The following FAM83F variants were observed in gnomAD, a reference collection of about 807,000 sequenced individuals.
FAM83F encodes the protein scaffolding CK1 anchoring protein F, also known as protein FAM83F.
A neutral mutation model predicts 42.9 loss-of-function variants in FAM83F; 45 were observed. That is an observed-to-expected ratio of 1.05 (90% CI 0.83 to 1.35). FAM83F has a LOEUF of 1.35. FAM83F is among the 40% of genes most tolerant of loss of function. The probability of loss-of-function intolerance (pLI) is 0.00; values close to 1 mark genes in which losing one functional copy is unlikely to be tolerated. For synonymous variants in FAM83F, 306 were observed against 298.3 expected (o/e 1.03, Z -0.27); for missense variants, 617 against 695.9 (o/e 0.89, Z 1.28).
chr22:40,025,518 G>A (rs1004433591), intron 4 of FAM83F, among the ~76,000 whole-genome samples: 1 of 152,080 alleles, frequency 6.6e-6, no homozygotes, highest in Non-Finnish European at 1.5e-5. Flanking sequence ...TTCGAGACCA[G>A]CCTGGCCAAC....
intron 1 of FAM83F, among the ~76,000 whole-genome samples, 197 bp from the exon 2 acceptor site, chr22:40,018,971 G>A (rs1283975394): frequency 6.6e-6 from 1 of 152,152 alleles, no homozygotes; most frequent in Non-Finnish European, 1.5e-5. Flanking sequence ...CAAGCACACG[G>A]CCTGCACCCC....
Position 40,021,639 on chromosome 22 carries a change from G to A in FAM83F, c.1129G>A (p.Asp377Asn), listed in dbSNP as rs769914565. ...CTGGCGCCTGGAGAGCTTCCTGAAA[G>A]ACCTGGTTACGGTGGAGCAGGTGCT... ...SAWRLESFLK[D>N]LVTVEQVLPP... The change falls in exon 4 of 5, where the codon GAC becomes AAC. Residue 377 changes from aspartate to asparagine, a missense_variant. Asp to Asn is a conservative substitution (Grantham distance 23). Transcript: ENST00000333407. The surrounding 1 kb of genome is among the most constrained non-coding windows in gnomAD (Gnocchi z 8.7). 1.3e-6 allele frequency: 2 copies of A among 1,593,794 alleles called. No individual in the cohort carries two copies. The highest frequency in any genetic ancestry group is 1.3e-5 in the African/African-American group (1 of 74,514).
In FAM83F at chr22:40,029,591, G is replaced by A. The variant is rs781690249; in HGVS notation, c.*26G>A. The A allele has an allele frequency of 2.7e-5, 44 of 1,607,498 alleles. No individual in the cohort carries two copies. The highest frequency in any genetic ancestry group is 1.6e-4 in the Middle Eastern group (1 of 6,074). Reference sequence around the variant, plus strand: ...GCTGCGGGATGGTGGTGGGCAGGACGTGTGGATGCCTGCCTGCCCTGCCCT... The same window carrying A: ...GCTGCGGGATGGTGGTGGGCAGGACATGTGGATGCCTGCCTGCCCTGCCCT... On this transcript the variant is annotated 3_prime_UTR_variant, in exon 5 of 5. Coordinates refer to ENST00000333407, the MANE Select transcript of FAM83F (RefSeq NM_138435.4).
chr22:40,017,557 A>G (rs999368580), intron 1 of FAM83F, among the ~76,000 whole-genome samples: 1 of 152,218 alleles, frequency 6.6e-6, no homozygotes, highest in African/African-American at 2.4e-5. Flanking sequence ...TTCATGGTGC[A>G]TCTCACTAAG....
rs1390395036 is a variant in FAM83F at position 40,043,533 on chromosome 22, G to A, written c.*13968G>A. 6.6e-6 allele frequency: 1 copy of A among 152,178 alleles called. No homozygotes were observed. The highest frequency in any genetic ancestry group is 2.4e-5 in the African/African-American group (1 of 41,422). 9.4% of individuals were successfully genotyped at this position (152,178 alleles called of 1,614,324 possible). ...GCAATAAATTATTCATTTCTAAGAC[G>A]ATTTATTCTGTCTCTCTCTTTAGAC... On this transcript the variant is annotated 3_prime_UTR_variant, in exon 5 of 5. Coordinates refer to ENST00000333407, the MANE Select transcript of FAM83F (RefSeq NM_138435.4).
At chr22:40,029,087 G>A (rs1192720388) in intron 4 of FAM83F, among the ~76,000 whole-genome samples, 1 of 44,092 alleles carries the variant, frequency 2.3e-5, no homozygotes, top group African/African-American at 9.2e-5. Context: ...AGACGTGTGT[G>A]TGTGTGTGTG....
intron 4 of FAM83F, among the ~76,000 whole-genome samples, chr22:40,024,255 C>T (rs185122125): frequency 2.6e-5 from 4 of 152,292 alleles, no homozygotes; most frequent in Admixed American, 2.0e-4. Flanking sequence ...TCTGGGCCTC[C>T]CAAAGCGCTG....
Position 39,994,998 on chromosome 22 carries a change from C to A in FAM83F, c.-45C>A. 1.6e-6 allele frequency: 2 copies of A among 1,233,592 alleles called. No homozygotes were observed. Among genetic ancestry groups the A allele is most frequent in the Non-Finnish European group, 2.0e-6 (2 of 989,802 alleles). 76.4% of individuals were successfully genotyped at this position (1,233,592 alleles called of 1,614,324 possible). On this transcript the variant is annotated 5_prime_UTR_variant, in exon 1 of 5. Transcript: ENST00000333407. ...CCAGGTGCGGCTGTGGGACCTCGGA[C>A]CGCGGCGGGGCCGGGGCCAGGGCCG... is the stretch of plus-strand genomic sequence containing the variant.
intron 1 of FAM83F, among the ~76,000 whole-genome samples, chr22:40,006,546 A>C (rs1451864475): frequency 6.6e-6 from 1 of 152,244 alleles, no homozygotes; most frequent in African/African-American, 2.4e-5. Flanking sequence ...AAGGACCTCA[A>C]CAAAGAGCAT....
intron 4 of FAM83F, among the ~76,000 whole-genome samples, chr22:40,027,941 C>A (rs2067564196): frequency 6.6e-6 from 1 of 150,576 alleles, no homozygotes; most frequent in Non-Finnish European, 1.5e-5. Flanking sequence ...CTCCAAAATG[C>A]TGCTGCCTCT....
Position 40,021,375 on chromosome 22 carries a change from C to T in FAM83F, c.865C>T (p.Arg289Trp), listed in dbSNP as rs761040921. 7 of 1,612,654 alleles carry T rather than the reference C, an allele frequency of 4.3e-6. No individual in the cohort carries two copies. Among genetic ancestry groups the T allele is most frequent in the East Asian group, 4.5e-5 (2 of 44,840 alleles). Residue 289 changes from arginine (R) to tryptophan (W), a missense_variant, in exon 4 of 5, where the codon CGG becomes TGG. Transcript: ENST00000333407. The surrounding 1 kb of genome is among the most constrained non-coding windows in gnomAD (Gnocchi z 8.7). Reference protein sequence around the residue: ...QNVEPFDTEFRELYAISEEVD... With the variant: ...QNVEPFDTEFWELYAISEEVD... ...CGTAGAGCCCTTTGACACGGAGTTC[C>T]GGGAGCTGTACGCCATCTCCGAGGA...
chr22:40,025,417 A>T (rs1448459001), intron 4 of FAM83F, among the ~76,000 whole-genome samples: 1 of 152,168 alleles, frequency 6.6e-6, no homozygotes, highest in Non-Finnish European at 1.5e-5. Flanking sequence ...ACCCTGTCTC[A>T]AAAAAATAAA....
chr22:40,016,197 TG>T lies in FAM83F; in HGVS notation c.490-2970del, dbSNP rs2067491414. Among the ~76,000 whole-genome samples, 5 of 152,000 alleles carry T rather than the reference TG, an allele frequency of 3.3e-5. No homozygotes were observed. In the South Asian group the frequency reaches 1.0e-3, roughly 32 times the overall value. On this transcript the variant is annotated intron_variant, in intron 1 of 4. Transcript: ENST00000333407. ...GTGATTGACTATACGTTGTTGTTGT[TG>T]TTTTTTTATTTTTTTTTGAGATAGA...
rs1170308366 is a variant in FAM83F, at chr22:40,042,789, A to AC, written c.*13224_*13225insC. On this transcript the variant is annotated 3_prime_UTR_variant, in exon 5 of 5. Transcript: ENST00000333407. Reference sequence around the variant, plus strand: ...ATCTGCTTCAAGGTACTTACAACTGAAATGTATCAAACAATTACCCAGAAA... The same window carrying AC: ...ATCTGCTTCAAGGTACTTACAACTGACAATGTATCAAACAATTACCCAGAAA... 3 of 152,336 alleles carry AC rather than the reference A, an allele frequency of 2.0e-5. No homozygotes were observed. In the East Asian group the frequency reaches 5.8e-4, roughly 29 times the overall value. The allele number at this position is 152,336 out of a possible 1,614,324, so 9.4% of individuals were successfully genotyped here.
Position 39,994,959 on chromosome 22 carries a change from G to A in FAM83F, c.-84G>A. On this transcript the variant is annotated 5_prime_UTR_variant, in exon 1 of 5. Transcript: ENST00000333407. ...AGCTCGCGGCCAGGTGAGGCGCCCCGCCCCTCGGCGGCTCCAGGTGCGGCT... is the reference window on the plus strand; with the variant it reads ...AGCTCGCGGCCAGGTGAGGCGCCCCACCCCTCGGCGGCTCCAGGTGCGGCT... 8.5e-7 allele frequency: 1 copy of A among 1,170,476 alleles called. No individual in the cohort carries two copies. The highest frequency in any genetic ancestry group is 1.1e-6 in the Non-Finnish European group (1 of 942,660). 72.5% of individuals were successfully genotyped at this position (1,170,476 alleles called of 1,614,324 possible). A position where few individuals can be genotyped will look rare whatever the true frequency, so the allele number is the denominator to read the frequency against.
chr22:40,024,861 G>A (rs1259304511), intron 4 of FAM83F, among the ~76,000 whole-genome samples: 1 of 152,210 alleles, frequency 6.6e-6, no homozygotes, highest in Non-Finnish European at 1.5e-5. Flanking sequence ...GCAAACCCAG[G>A]TGTGGCCCTT....
intron 1 of FAM83F, among the ~76,000 whole-genome samples, chr22:40,016,042 C>T (rs187212095): frequency 3.0e-4 from 46 of 152,062 alleles, no homozygotes; most frequent in Admixed American, 2.2e-3. Flanking sequence ...GATGGCATCC[C>T]GGGACACACT....
rs2067522941 is a variant in FAM83F at position 40,021,681 on chromosome 22, A to G, written c.1171A>G (p.Ile391Val). The G allele has an allele frequency of 6.2e-7, 1 of 1,612,098 alleles. No individual in the cohort carries two copies. The highest frequency in any genetic ancestry group is 8.5e-7 in the Non-Finnish European group (1 of 1,179,010). Reference protein sequence around the residue: ...VEQVLPPVEPIPLGELSQKDG... With the variant: ...VEQVLPPVEPVPLGELSQKDG... ...GCAGGTGCTGCCCCCCGTGGAGCCC[A>G]TCCCCTTGGGAGAGCTGAGCCAGAA... Residue 391 changes from isoleucine to valine, a missense_variant, in exon 4 of 5, where the codon ATC becomes GTC. Coordinates refer to ENST00000333407, the MANE Select transcript of FAM83F (RefSeq NM_138435.4). This position sits in a 1 kb window ranked among gnomAD's most constrained non-coding sequence, Gnocchi z 8.7.
chr22:40,009,297 T>C (rs1005470965), intron 1 of FAM83F, among the ~76,000 whole-genome samples: 45 of 151,958 alleles, frequency 3.0e-4, no homozygotes, highest in Non-Finnish European at 5.1e-4. Flanking sequence ...CTGTGGCCTT[T>C]TGCTTTTTCA....
Sources: allele counts gnomAD v4.1 joint callset (sites outside exome capture counted in the v4.1 genomes callset), GRCh38; gene constraint gnomAD v4.1.1; non-coding constraint Gnocchi (gnomAD v3.1); transcripts MANE v1.5; gene names NCBI Gene and HGNC (gene_info 2026-07-23, HGNC 2026-07-21).